OCA2: variants seen among roughly 807,000 people sequenced by gnomAD.
The protein encoded by OCA2 is OCA2 melanosomal transmembrane protein.
A neutral mutation model predicts 100.2 loss-of-function variants in OCA2; 77 were observed. That is an observed-to-expected ratio of 0.77 (90% CI 0.64 to 0.93). OCA2 has a LOEUF of 0.93. Ranked by LOEUF, OCA2 falls within the 40% of genes least tolerant of loss-of-function variation. OCA2 has a pLI of 0.00. For missense variants in OCA2, 1,062 were observed against 1,089.1 expected (o/e 0.98, Z 0.35); for synonymous variants, 432 against 439.2 (o/e 0.98, Z 0.21).
Position 28,069,930 on chromosome 15 carries a change from C to T in OCA2, c.227+11718G>A, listed in dbSNP as rs1487605749. ...CTGGAAAGTAAGGAGCATCTCCGCC[C>T]GGCCGCCATCCCATCTAGGAAGTGA... On this transcript the variant is annotated intron_variant, in intron 2 of 23. Coordinates refer to ENST00000354638, the MANE Select transcript of OCA2 (RefSeq NM_000275.3). 1.9e-4 allele frequency among the ~76,000 whole-genome samples: 23 copies of T among 123,466 alleles called. 2 individuals are homozygous for T. Among genetic ancestry groups the T allele is most frequent in the Admixed American group, 4.4e-4 (6 of 13,610 alleles). 81.0% of individuals were successfully genotyped at this position (123,466 alleles called of 152,430 possible).
chr15:27,739,669 C>T, the OCA2 span, among the ~76,000 whole-genome samples: 1 of 152,154 alleles, frequency 6.6e-6, no homozygotes, highest in Non-Finnish European at 1.5e-5. Context: ...AGGTCTTGAA[C>T]TCCTGACCTC....
At chr15:28,072,353 G>A (rs908566409) in intron 2 of OCA2, among the ~76,000 whole-genome samples, 2 of 152,148 alleles carry the variant, frequency 1.3e-5, no homozygotes, top group African/African-American at 4.8e-5. Context: ...ACTTTGGGGG[G>A]CCGAGGCGGG....
At chr15:28,009,684 T>A (rs1342156477) in intron 9 of OCA2, among the ~76,000 whole-genome samples, 6 of 138,008 alleles carry the variant, frequency 4.3e-5, no homozygotes, top group Non-Finnish European at 7.8e-5. Context: ...CGAGATTCTG[T>A]CACACACACA....
chr15:27,792,984 A>T (rs984260653), intron 23 of OCA2, among the ~76,000 whole-genome samples: 7 of 152,208 alleles, frequency 4.6e-5, no homozygotes, highest in African/African-American at 1.7e-4. Flanking sequence ...CGGCCAGGGC[A>T]CTTGGCCATC....
rs8030800 is a variant in OCA2, at chr15:27,851,203, T to C, written c.2338+179A>G. 0.36 allele frequency among the ~76,000 whole-genome samples: 54,311 copies of C among 152,146 alleles called. 9,954 individuals are homozygous for C. Among genetic ancestry groups the C allele is most frequent in the Middle Eastern group, 0.53 (157 of 294 alleles). On this transcript the variant is annotated intron_variant, in intron 22 of 23. Transcript: ENST00000354638. ...AAGTCGGGGGCAGCTCTGCAGAGAA[T>C]GGGAAGGAACGGAGTTGCTCTGGAA... is the stretch of plus-strand genomic sequence containing the variant.
In OCA2 at chr15:27,844,961, G is replaced by A. The variant is rs755619911; in HGVS notation, c.2430C>T (p.Phe810=). ...ATTTAAAGGGAATTTAAAAGTACCT[G>A]AAAAATTCCATGAAGGAGAACCCAT... is the stretch of plus-strand genomic sequence containing the variant. ...HGYGFSFMEF[F]RLGFPMMVVS... is the part of the protein sequence containing the mutation. The change falls in exon 23 of 24, where the codon TTC becomes TTT. Residue 810 remains phenylalanine, a splice_region_variant and synonymous_variant. Transcript: ENST00000354638. 1 of 1,608,238 alleles carries A rather than the reference G, an allele frequency of 6.2e-7. No individual in the cohort carries two copies. The highest frequency in any genetic ancestry group is 1.1e-5 in the South Asian group (1 of 90,950).
chr15:27,870,972 T>G (rs2036545074), intron 21 of OCA2, among the ~76,000 whole-genome samples, 182 bp downstream of exon 21: 1 of 152,012 alleles, frequency 6.6e-6, no homozygotes, highest in Non-Finnish European at 1.5e-5. Context: ...GCTCCCAGCC[T>G]GCAGTCTGGG....
chr15:27,732,717 T>C, the OCA2 span, among the ~76,000 whole-genome samples: 5 of 152,178 alleles, frequency 3.3e-5, no homozygotes, highest in Non-Finnish European at 7.3e-5. Context: ...AGCACTCTGC[T>C]CACTAGCACA....
intron 21 of OCA2, among the ~76,000 whole-genome samples, chr15:27,857,510 T>C (rs967733443): frequency 2.6e-5 from 4 of 152,184 alleles, no homozygotes; most frequent in Non-Finnish European, 4.4e-5. Flanking sequence ...AATATAAATT[T>C]ACTTAATGCT....
At chr15:27,854,438 AG>A (rs1322530413) in intron 21 of OCA2, among the ~76,000 whole-genome samples, 1 of 152,228 alleles carries the variant, frequency 6.6e-6, no homozygotes, top group Non-Finnish European at 1.5e-5. Context: ...CTGGGTCACA[AG>A]GGGCATGTTG....
intron 22 of OCA2, among the ~76,000 whole-genome samples, chr15:27,846,440 C>A (rs72710546): frequency 0.047 from 7,204 of 152,234 alleles, 218 homozygotes; most frequent in African/African-American, 0.075. Context: ...AACTCCAGGA[C>A]ATCATGAGTG....
rs113151152 is a variant in OCA2 at position 27,926,270 on chromosome 15, T to C, written c.1952-16A>G. 3.0e-3 allele frequency: 4,770 copies of C among 1,613,702 alleles called. 132 individuals carry two copies. In the African/African-American group the frequency reaches 0.056, roughly 19 times the overall value. On this transcript the variant is annotated splice_polypyrimidine_tract_variant and intron_variant, in intron 18 of 23. Coordinates refer to ENST00000354638, the MANE Select transcript of OCA2 (RefSeq NM_000275.3). Reference sequence around the variant, plus strand: ...GCAATCCATCCTGAAAATAAGTAAATAGACATAGAGATATAGTTCCACTGT... The same window carrying C: ...GCAATCCATCCTGAAAATAAGTAAACAGACATAGAGATATAGTTCCACTGT...
At chr15:28,046,005 G>A (rs2043336420) in intron 2 of OCA2, among the ~76,000 whole-genome samples, 1 of 152,170 alleles carries the variant, frequency 6.6e-6, no homozygotes, top group Non-Finnish European at 1.5e-5. Flanking sequence ...GCTGCTATGA[G>A]ATGGCTCGCT....
At chr15:27,986,517 T>C (rs555477090) in intron 12 of OCA2, 70 bp downstream of exon 12, 2 of 1,002,608 alleles carry the variant, frequency 2.0e-6, no homozygotes, top group South Asian at 2.8e-5. Context: ...GTTTCCTAAA[T>C]ATATAATGTC....
At chr15:28,038,942 G>T (rs1351575541) in intron 2 of OCA2, among the ~76,000 whole-genome samples, 5 of 152,148 alleles carry the variant, frequency 3.3e-5, no homozygotes, top group African/African-American at 1.2e-4. Flanking sequence ...ATGCACTGTA[G>T]ATCAAAAGAC....
chr15:27,853,761 G>A (rs113594414), intron 21 of OCA2, among the ~76,000 whole-genome samples: 60 of 152,058 alleles, frequency 3.9e-4, no homozygotes, highest in African/African-American at 1.4e-3. Flanking sequence ...AGAGACCCCT[G>A]GGCCCGCCAT....
Position 27,901,475 on chromosome 15 carries a change from C to T in OCA2, c.2079+24652G>A, listed in dbSNP as rs1416775467. ...CAGGCCACTAGAGCTCCCATCTCCC[C>T]TTTGCCCCTCAGGCCCATGAGGTCG... On this transcript the variant is annotated intron_variant, in intron 19 of 23. Coordinates refer to ENST00000354638, the MANE Select transcript of OCA2 (RefSeq NM_000275.3). Among the ~76,000 whole-genome samples the T allele has an allele frequency of 3.3e-5, 5 of 152,222 alleles. No individual in the cohort carries two copies. In the South Asian group the frequency reaches 6.2e-4, roughly 19 times the overall value.
chr15:27,895,815 T>TA, intron 19 of OCA2: 2 of 460,254 alleles, frequency 4.3e-6, no homozygotes, highest in Non-Finnish European at 8.1e-6. Context: ...TGCTTGGTGA[T>TA]ACAGGACAAA....
At chr15:27,951,003 T>C (rs1387978998) in intron 18 of OCA2, among the ~76,000 whole-genome samples, 1 of 152,248 alleles carries the variant, frequency 6.6e-6, no homozygotes, top group Non-Finnish European at 1.5e-5. Flanking sequence ...TTTATGCTTC[T>C]TATAAACCTA....
Sources: gnomAD v4.1 joint callset for allele counts (sites outside exome capture counted in the v4.1 genomes callset) on GRCh38, gnomAD v4.1.1 for gene constraint, MANE v1.5 for transcripts, NCBI Gene and HGNC (gene_info 2026-07-23, HGNC 2026-07-21) for gene names.